Variants in CORO2B observed in about 807,000 individuals in gnomAD.
CORO2B encodes coronin 2B, also known as coronin-2B.
Under a neutral mutation model 58.8 loss-of-function variants are expected in CORO2B, and 26 were observed. The observed-to-expected ratio is 0.44, with a 90% CI of 0.32 to 0.61. The LOEUF is 0.61. CORO2B is among the 20% of genes least tolerant of loss of function. The pLI is 0.04. For synonymous variants in CORO2B, 242 were observed against 253.8 expected, an observed-to-expected ratio of 0.95 and a Z score of 0.44; for missense variants, 460 against 645.1, an observed-to-expected ratio of 0.71 and a Z score of 3.11.
At chr15:68,589,902 C>G (rs539510290) in intron 1 of CORO2B, among the ~76,000 whole-genome samples, 1 of 152,212 alleles carries the variant, frequency 6.6e-6, no homozygotes, top group Non-Finnish European at 1.5e-5. Context: ...CAGGCTGCGG[C>G]TGCCCAGGCC....
chr15:68,640,637 AG>A (rs1901184378), intron 1 of CORO2B, among the ~76,000 whole-genome samples: 1 of 152,172 alleles, frequency 6.6e-6, no homozygotes, highest in Non-Finnish European at 1.5e-5. Context: ...TAGCTGTAAA[AG>A]GCATTGGGGG....
chr15:68,714,517 A>G (rs753478947), intron 6 of CORO2B, 42 bp from the exon 7 acceptor site: 1 of 1,516,710 alleles, frequency 6.6e-7, no homozygotes, highest in Admixed American at 1.7e-5. Context: ...GGGGTATGCC[A>G]TCCTGCCTGC....
chr15:68,684,155 A>C (rs1446677383), intron 2 of CORO2B, among the ~76,000 whole-genome samples: 1 of 152,190 alleles, frequency 6.6e-6, no homozygotes, highest in Non-Finnish European at 1.5e-5. Flanking sequence ...CCAGCTCTAG[A>C]GTGAATAAAG....
At chr15:68,601,777 A>G (rs1281877173) in intron 1 of CORO2B, among the ~76,000 whole-genome samples, 1 of 152,234 alleles carries the variant, frequency 6.6e-6, no homozygotes, top group African/African-American at 2.4e-5. Flanking sequence ...GGCAGGGCCC[A>G]GGCCTGGGAG....
chr15:68,603,815 T>C (rs747467630), intron 1 of CORO2B, among the ~76,000 whole-genome samples: 3 of 152,170 alleles, frequency 2.0e-5, no homozygotes, highest in Non-Finnish European at 4.4e-5. Flanking sequence ...TAAATATCTG[T>C]TGTTTAAGCC....
At chr15:68,632,046 A>T (rs1455293142) in intron 1 of CORO2B, 1 of 985,342 alleles carries the variant, frequency 1.0e-6, no homozygotes, top group Non-Finnish European at 1.2e-6. Context: ...ACTAGCAGCC[A>T]GGCCTCCCAG....
chr15:68,687,850 A>G (rs780126549), intron 2 of CORO2B, among the ~76,000 whole-genome samples: 2 of 152,212 alleles, frequency 1.3e-5, no homozygotes, highest in Non-Finnish European at 2.9e-5. Flanking sequence ...CACTCACAAG[A>G]CAACTAACCC....
the CORO2B span, among the ~76,000 whole-genome samples, chr15:68,519,131 C>T: frequency 6.6e-6 from 1 of 152,170 alleles, no homozygotes; most frequent in Non-Finnish European, 1.5e-5. Context: ...GCTGCAGCTG[C>T]TCCACACCCC....
At chr15:68,701,255 AATCCTGGCTCTGCCACT>A (rs1892635636) in intron 3 of CORO2B, among the ~76,000 whole-genome samples, 1 of 152,064 alleles carries the variant, frequency 6.6e-6, no homozygotes, top group Admixed American at 6.6e-5. Flanking sequence ...CCTAGGTTCA[AATCCTGGCTCTGCCACT>A]TCCAGGCTCT....
chr15:68,581,781 A>G (rs1899433826), intron 1 of CORO2B, among the ~76,000 whole-genome samples: 1 of 152,098 alleles, frequency 6.6e-6, no homozygotes, highest in Non-Finnish European at 1.5e-5. Context: ...ACACACTGGG[A>G]GCGGTAGGTA....
rs1406471096 is a variant in CORO2B, at chr15:68,710,591, G to A, written c.334-141G>A. The A allele has an allele frequency of 4.1e-6, 4 of 970,838 alleles. No individual in the cohort carries two copies. The highest frequency in any genetic ancestry group is 3.2e-5 in the Admixed American group (1 of 31,206). The allele number at this position is 970,838 out of a possible 1,614,324, so 60.1% of individuals were successfully genotyped here. On this transcript the variant is annotated intron_variant, in intron 3 of 11. Coordinates refer to ENST00000261861, the MANE Select transcript of CORO2B (RefSeq NM_006091.5). This position sits in a 1 kb window ranked among gnomAD's most constrained non-coding sequence, Gnocchi z 4.1. ...TGAGACCTCCCAGCAGGCCTCAGTC[G>A]AGCTTTGCCCATCGCCTCAAGCCAG...
At chr15:68,544,369 T>C in the CORO2B span, among the ~76,000 whole-genome samples, 1 of 152,212 alleles carries the variant, frequency 6.6e-6, no homozygotes, top group Admixed American at 6.5e-5. Context: ...TCTGCACACA[T>C]GGACTGAGTC....
Position 68,605,006 on chromosome 15 carries a change from C to G in CORO2B, c.15+25729C>G, listed in dbSNP as rs531880672. Among the ~76,000 whole-genome samples, 6 of 151,882 alleles carry G rather than the reference C, an allele frequency of 4.0e-5. No homozygotes were observed. The South Asian group carries it at 1.2e-3, about 32-fold the overall frequency. On this transcript the variant is annotated intron_variant, in intron 1 of 11. Coordinates refer to ENST00000261861, the MANE Select transcript of CORO2B (RefSeq NM_006091.5). ...GCACACACCTGTAATCCCAGCTACTCAGGAGACTGAGGCAGGAGAATCGCT... is the reference window on the plus strand; with the variant it reads ...GCACACACCTGTAATCCCAGCTACTGAGGAGACTGAGGCAGGAGAATCGCT...
At chr15:68,573,501 T>G in the CORO2B span, among the ~76,000 whole-genome samples, 1 of 150,804 alleles carries the variant, frequency 6.6e-6, no homozygotes, top group Non-Finnish European at 1.5e-5. Context: ...AGGGTTGTGG[T>G]GGGTAGAGGG....
intron 2 of CORO2B, among the ~76,000 whole-genome samples, chr15:68,680,596 G>T (rs1197835721): frequency 2.0e-5 from 3 of 152,208 alleles, no homozygotes; most frequent in African/African-American, 4.8e-5. Flanking sequence ...TTTGGTGAGA[G>T]CTTACCATTT....
At chr15:68,634,317 C>T (rs1048201820) in intron 1 of CORO2B, among the ~76,000 whole-genome samples, 7 of 152,216 alleles carry the variant, frequency 4.6e-5, no homozygotes, top group African/African-American at 1.7e-4. Flanking sequence ...CTCTTTTACT[C>T]ACTCGCTGGC....
the CORO2B span, among the ~76,000 whole-genome samples, chr15:68,539,072 C>T: frequency 6.8e-3 from 1,040 of 152,228 alleles, 6 homozygotes; most frequent in South Asian, 0.032. Context: ...TATTTAATGC[C>T]CACAGGCTTC....
chr15:68,578,534 G>A (rs1422402116), upstream of CORO2B, among the ~76,000 whole-genome samples: 1 of 152,098 alleles, frequency 6.6e-6, no homozygotes, highest in Non-Finnish European at 1.5e-5. The surrounding 1 kb of genome is among the most constrained non-coding windows in gnomAD (Gnocchi z 4.2). Context: ...CAGGGCTCCC[G>A]GGCTTGCGGC....
At chr15:68,702,475 A>G (rs535146837) in intron 3 of CORO2B, among the ~76,000 whole-genome samples, 1 of 152,192 alleles carries the variant, frequency 6.6e-6, no homozygotes, top group Non-Finnish European at 1.5e-5. Context: ...CGTTTCCCAT[A>G]TTGGCAAACA....
Sources: allele counts gnomAD v4.1 joint callset (sites outside exome capture counted in the v4.1 genomes callset), GRCh38; gene constraint gnomAD v4.1.1; non-coding constraint Gnocchi (gnomAD v3.1); transcripts MANE v1.5; gene names NCBI Gene and HGNC (gene_info 2026-07-23, HGNC 2026-07-21).